Variants in MKNK1 observed in about 807,000 individuals in gnomAD.
MKNK1 encodes the protein MAPK interacting serine/threonine kinase 1, also known as MAP kinase-interacting serine/threonine-protein kinase 1.
A neutral mutation model predicts 49.3 loss-of-function variants in MKNK1; 30 were observed. That is an observed-to-expected ratio of 0.61 (90% confidence interval 0.46 to 0.83). The LOEUF (loss-of-function observed/expected upper bound fraction) is 0.83, where lower values mean the gene tolerates loss of function less well. Among genes scored for constraint, MKNK1 ranks in the 40% least tolerant of loss-of-function variants. The pLI is 0.00. For missense variants in MKNK1, 423 were observed against 524.7 expected, an observed-to-expected ratio of 0.81 and a Z score of 1.89; for synonymous variants, 176 against 201.7, an observed-to-expected ratio of 0.87 and a Z score of 1.08.
At chr1:46,587,048 G>A (rs1672676555) in intron 2 of MKNK1, among the ~76,000 whole-genome samples, 1 of 152,232 alleles carries the variant, frequency 6.6e-6, no homozygotes, top group Non-Finnish European at 1.5e-5. Context: ...GACCTCAGGT[G>A]ATCCGCCTGC....
rs1338277163 is a variant in MKNK1, at chr1:46,580,509, GCATTCAGCTGAGA to G, written c.198+8_198+20del. The G allele has an allele frequency of 5.2e-6, 8 of 1,536,710 alleles. No individual in the cohort carries two copies. Among genetic ancestry groups the G allele is most frequent in the Non-Finnish European group, 7.2e-6 (8 of 1,109,408 alleles). ...ATGACTATTTGCAAAGTAAAGCCTGGCATTCAGCTGAGACACTCACTTTGACGGCATACTCTTT... is the reference window on the plus strand; with the variant it reads ...ATGACTATTTGCAAAGTAAAGCCTGGCACTCACTTTGACGGCATACTCTTT... On this transcript the variant is annotated splice_region_variant and intron_variant, in intron 4 of 12. Transcript: ENST00000371945.
At chr1:46,560,360 G>C in intron 11 of MKNK1, 83 bp from the exon 12 acceptor site, 2 of 1,437,832 alleles carry the variant, frequency 1.4e-6, no homozygotes, top group Non-Finnish European at 2.0e-6. Flanking sequence ...CAGTGGGTAG[G>C]TTACTATAGG....
intron 2 of MKNK1, among the ~76,000 whole-genome samples, chr1:46,592,543 GAACA>G (rs1446249676): frequency 3.3e-5 from 5 of 152,348 alleles, no homozygotes; most frequent in Admixed American, 6.5e-5. Context: ...GTGATGTGAA[GAACA>G]AACTGGAGGC....
rs939516816 is a variant in MKNK1 at position 46,573,685 on chromosome 1, C to T, written c.352+1262G>A. 2.0e-5 allele frequency: 3 copies of T among 151,742 alleles called. No homozygotes were observed. In the East Asian group the frequency reaches 5.8e-4, roughly 29 times the overall value. The allele number at this position is 151,742 out of a possible 1,614,324, so 9.4% of individuals were successfully genotyped here. On this transcript the variant is annotated intron_variant, in intron 6 of 12. Transcript: ENST00000371945. ...TAGCTTGCTCTGCTGTAGTGAGCCT[C>T]GTTTCCAAATCTGTTAAAAGGAAAA...
At position 46,572,140 on chromosome 1, in the gene MKNK1, T is replaced by G. The variant is rs775336074; in HGVS notation, c.380A>C (p.Gln127Pro). 6.2e-7 allele frequency: 1 copy of G among 1,614,148 alleles called. No individual in the cohort carries two copies. The highest frequency in any genetic ancestry group is 1.1e-5 in the South Asian group (1 of 91,084). The change falls in exon 7 of 13, where the codon CAA becomes CCA. Residue 127 changes from glutamine (Q) to proline (P), a missense_variant. Transcript: ENST00000371945. The part of the protein sequence containing the change: ...GGSILAHIQK[Q>P]KHFNEREASR... ...GGCTTCTCGCTCATTGAAGTGCTTTTGCTTCTGGATGTGGGCTAAGATGGA... is the reference window on the plus strand; with the variant it reads ...GGCTTCTCGCTCATTGAAGTGCTTTGGCTTCTGGATGTGGGCTAAGATGGA...
Position 46,576,674 on chromosome 1 carries a change from T to C in MKNK1, c.199-20A>G, listed in dbSNP as rs1671014286. On this transcript the variant is annotated intron_variant, in intron 4 of 12. Transcript: ENST00000371945. ...GATGATCTGTGGGAAGAATAAAATCTGTCATGTACACCCACCTGACTTCCA... is the reference window on the plus strand; with the variant it reads ...GATGATCTGTGGGAAGAATAAAATCCGTCATGTACACCCACCTGACTTCCA... 1.2e-6 allele frequency: 2 copies of C among 1,609,342 alleles called. No homozygotes were observed. The highest frequency in any genetic ancestry group is 1.7e-6 in the Non-Finnish European group (2 of 1,175,718).
At chr1:46,592,171 C>T (rs752491053) in intron 2 of MKNK1, among the ~76,000 whole-genome samples, 2 of 152,116 alleles carry the variant, frequency 1.3e-5, no homozygotes, top group African/African-American at 2.4e-5. Context: ...ACCCGGGAGG[C>T]GGAGGTTGCA....
intron 9 of MKNK1, among the ~76,000 whole-genome samples, chr1:46,564,528 G>A (rs1668715136): frequency 7.2e-6 from 1 of 138,442 alleles, no homozygotes; most frequent in East Asian, 2.1e-4. Flanking sequence ...CCAGGCTGGA[G>A]TGCAATGGTG....
chr1:46,578,086 A>C (rs1671241565), intron 4 of MKNK1, among the ~76,000 whole-genome samples: 1 of 152,256 alleles, frequency 6.6e-6, no homozygotes, highest in African/African-American at 2.4e-5. Context: ...TCATTCCCCA[A>C]GCATTTCAGA....
chr1:46,574,979 C>A lies in MKNK1; in HGVS notation c.320G>T (p.Arg107Met). ...CAATTTCTCAAAGACCAAGTAAAAC[C>A]TTGTGTCATCTTCAAAGAACTCAAT... ...ELIEFFEDDT[R>M]FYLVFEKLQG... The change falls in exon 6 of 13, where the codon AGG becomes ATG. Residue 107 changes from arginine (R) to methionine (M), a missense_variant. Transcript: ENST00000371945. The A allele has an allele frequency of 3.7e-6, 6 of 1,613,468 alleles. No homozygotes were observed. Among genetic ancestry groups the A allele is most frequent in the Non-Finnish European group, 4.2e-6 (5 of 1,179,648 alleles).
In MKNK1 at chr1:46,558,661, G is replaced by A. The variant is rs1267164586; in HGVS notation, c.1153C>T (p.Pro385Ser). Residue 385 changes from proline (P) to serine (S), a missense_variant, in exon 13 of 13, where the codon CCT becomes TCT. Coordinates refer to ENST00000371945, the MANE Select transcript of MKNK1 (RefSeq NM_001135553.4). The part of the protein sequence containing the change: ...ADGLCSMKLS[P>S]PCKSRLARRR... The stretch of plus-strand genomic sequence containing the variant: ...CGGGCCAGGCGTGACTTGCAGGGAG[G>A]GGAAAGCTTCATGGAGCAGAGGCCA... 1.2e-5 allele frequency: 20 copies of A among 1,614,190 alleles called. No homozygotes were observed. The highest frequency in any genetic ancestry group is 2.2e-5 in the South Asian group (2 of 91,080).
chr1:46,596,725 C>T (rs867592341), intron 1 of MKNK1, among the ~76,000 whole-genome samples: 3 of 152,306 alleles, frequency 2.0e-5, no homozygotes, highest in South Asian at 4.1e-4. Flanking sequence ...ATATAGAGCT[C>T]GTGGCACCAG....
chr1:46,571,500 G>A (rs977377697), intron 7 of MKNK1: 3 of 424,078 alleles, frequency 7.1e-6, no homozygotes, highest in South Asian at 1.7e-5. Context: ...CCCTGATGGC[G>A]CCATAGCACT....
chr1:46,595,713 G>A (rs1336573741), intron 1 of MKNK1, among the ~76,000 whole-genome samples: 1 of 152,164 alleles, frequency 6.6e-6, no homozygotes, highest in Non-Finnish European at 1.5e-5. Flanking sequence ...CTCAGGGTAT[G>A]CTCTCTTTCT....
At chr1:46,568,357 C>A in intron 8 of MKNK1, 86 bp downstream of exon 8, 2 of 1,305,650 alleles carry the variant, frequency 1.5e-6, no homozygotes, top group Admixed American at 1.7e-5. Context: ...CTGAGGCCAA[C>A]GGAACTGCTA....
At chr1:46,559,455 T>C (rs1295396984) in intron 12 of MKNK1, among the ~76,000 whole-genome samples, 1 of 152,190 alleles carries the variant, frequency 6.6e-6, no homozygotes, top group East Asian at 1.9e-4. Flanking sequence ...CCTGGCTCTT[T>C]GGGAACAGGG....
At chr1:46,581,508 CAAAAAAAAAAAAA>C (rs36099600) in intron 3 of MKNK1, among the ~76,000 whole-genome samples, 3 of 41,652 alleles carry the variant, frequency 7.2e-5, no homozygotes, top group Admixed American at 3.8e-4. Context: ...GACCCCATAT[CAAAAAAAAAAAAA>C]AAAAAAAAAA....
At chr1:46,560,029 G>A (rs1356472957) in intron 12 of MKNK1, among the ~76,000 whole-genome samples, 1 of 152,138 alleles carries the variant, frequency 6.6e-6, no homozygotes, top group Non-Finnish European at 1.5e-5. Context: ...AGGTGCTGGA[G>A]GGCAGAGGAT....
chr1:46,602,502 A>G (rs1187547135), intron 1 of MKNK1, among the ~76,000 whole-genome samples: 1 of 152,206 alleles, frequency 6.6e-6, no homozygotes, highest in Admixed American at 6.5e-5. Context: ...GGGAGGGGAG[A>G]GGTGTGGGAA....
Sources: gnomAD v4.1 joint callset for allele counts (sites outside exome capture counted in the v4.1 genomes callset) on GRCh38, gnomAD v4.1.1 for gene constraint, MANE v1.5 for transcripts, NCBI Gene and HGNC (gene_info 2026-07-23, HGNC 2026-07-21) for gene names.